Variants in STAC observed in about 807,000 individuals in gnomAD.
The protein encoded by STAC is SH3 and cysteine rich domain, also known as SH3 and cysteine-rich domain-containing protein.
In STAC, 43 loss-of-function variants were observed where a neutral mutation model predicts 48.8. The ratio of observed to expected loss-of-function variants is 0.88; its 90% CI spans 0.69 to 1.14. The LOEUF is 1.14. Ranked by LOEUF, STAC falls within the 50% of genes most tolerant of loss-of-function variation. STAC has a pLI of 0.00. For missense variants in STAC, 497 were observed against 504.0 expected, an observed-to-expected ratio of 0.99 and a Z score of 0.13; for synonymous variants, 193 against 179.5, an observed-to-expected ratio of 1.07 and a Z score of -0.60.
rs1559517456 is a variant in STAC at position 36,505,779 on chromosome 3, A to G, written c.865A>G (p.Thr289Ala). Residue 289 changes from threonine (T) to alanine (A), a missense_variant, in exon 8 of 11, where the codon ACC becomes GCC. Thr to Ala is a moderately conservative substitution (Grantham distance 58). Transcript: ENST00000273183. ...TTCCAAAGACCCATTACAGATGAAC[A>G]CCTATGTTGCCTTGTACAAATTTGT... ...SLSKDPLQMN[T>A]YVALYKFVPQ... 1 of 1,608,174 alleles carries G rather than the reference A, an allele frequency of 6.2e-7. No individual in the cohort carries two copies. Among genetic ancestry groups the G allele is most frequent in the Non-Finnish European group, 8.5e-7 (1 of 1,178,210 alleles).
At chr3:36,498,803 C>T (rs1205742721) in intron 6 of STAC, among the ~76,000 whole-genome samples, 1 of 152,050 alleles carries the variant, frequency 6.6e-6, no homozygotes, top group Non-Finnish European at 1.5e-5. Context: ...TATGTAAGAA[C>T]ATACTTGTGG....
At position 36,547,999 on chromosome 3, in the gene STAC, C is replaced by T. The variant is rs190933203; in HGVS notation, c.*1710C>T. Reference sequence around the variant, plus strand: ...AAACAATACAGTGGCTGGAAAGGAGCATCAGAAACATGTGTCCTGATCTCT... The same window carrying T: ...AAACAATACAGTGGCTGGAAAGGAGTATCAGAAACATGTGTCCTGATCTCT... On this transcript the variant is annotated 3_prime_UTR_variant, in exon 11 of 11. Transcript: ENST00000273183. 6.6e-6 allele frequency: 1 copy of T among 150,690 alleles called. No homozygotes were observed. Among genetic ancestry groups the T allele is most frequent in the Admixed American group, 6.6e-5 (1 of 15,148 alleles). The allele number at this position is 150,690 out of a possible 1,614,324, so 9.3% of individuals were successfully genotyped here.
intron 8 of STAC, among the ~76,000 whole-genome samples, chr3:36,523,830 C>A (rs927197171): frequency 2.0e-5 from 3 of 152,192 alleles, no homozygotes; most frequent in African/African-American, 7.2e-5. Flanking sequence ...AGCCAGTTGG[C>A]AGAATGTTTT....
chr3:36,390,451 CTTTTTTTTT>C lies in STAC; in HGVS notation c.111+9710_111+9718del, dbSNP rs59589769. Among the ~76,000 whole-genome samples, 7 of 80,838 alleles carry C rather than the reference CTTTTTTTTT, an allele frequency of 8.7e-5. No individual in the cohort carries two copies. In the South Asian group the frequency reaches 3.5e-3, roughly 41 times the overall value. 53.0% of individuals were successfully genotyped at this position (80,838 alleles called of 152,430 possible). On this transcript the variant is annotated intron_variant, in intron 1 of 10. Coordinates refer to ENST00000273183, the MANE Select transcript of STAC (RefSeq NM_003149.3). Reference sequence around the variant, plus strand: ...GAAGTAATCATGTGATTTTTCTTTTCTTTTTTTTTTTTTTTTTTTTTGTCCTTTGGTCTC... The same window carrying C: ...GAAGTAATCATGTGATTTTTCTTTTCTTTTTTTTTTTTGTCCTTTGGTCTC...
At chr3:36,506,623 C>T (rs1387582054) in intron 8 of STAC, among the ~76,000 whole-genome samples, 1 of 152,124 alleles carries the variant, frequency 6.6e-6, no homozygotes, top group African/African-American at 2.4e-5. Context: ...GTTTGTAGTT[C>T]TCCTTGAAGA....
At chr3:36,413,182 C>T (rs568202154) in intron 1 of STAC, among the ~76,000 whole-genome samples, 37 of 152,254 alleles carry the variant, frequency 2.4e-4, no homozygotes, top group African/African-American at 8.2e-4. Flanking sequence ...CTATAGATGT[C>T]TATTAGGTCC....
intron 2 of STAC, among the ~76,000 whole-genome samples, chr3:36,459,740 CA>C (rs1177203875): frequency 5.3e-5 from 8 of 152,096 alleles, no homozygotes; most frequent in Non-Finnish European, 8.8e-5. Context: ...GGTATCTTGG[CA>C]AAACCAGAAA....
rs147329705 is a variant in STAC at position 36,432,839 on chromosome 3, C to T, written c.112-10525C>T. Among the ~76,000 whole-genome samples the T allele has an allele frequency of 1.2e-3, 181 of 152,318 alleles. 1 individual carries two copies. Among genetic ancestry groups the T allele is most frequent in the African/African-American group, 4.1e-3 (172 of 41,564 alleles). On this transcript the variant is annotated intron_variant, in intron 1 of 10. Coordinates refer to ENST00000273183, the MANE Select transcript of STAC (RefSeq NM_003149.3). The stretch of plus-strand genomic sequence containing the variant: ...ATTTAACTTCTTTCTACCACCCTCT[C>T]CTTATCCATAAAATAGGGACAATAA...
intron 1 of STAC, among the ~76,000 whole-genome samples, chr3:36,402,836 C>T (rs1700023017): frequency 6.6e-6 from 1 of 152,112 alleles, no homozygotes; most frequent in Non-Finnish European, 1.5e-5. Flanking sequence ...TCCGTCTTCC[C>T]ACCTCAGATG....
intron 1 of STAC, among the ~76,000 whole-genome samples, chr3:36,386,346 C>T (rs1423303997): frequency 1.3e-5 from 2 of 151,256 alleles, no homozygotes; most frequent in Non-Finnish European, 3.0e-5. Flanking sequence ...GGGTTCTTCT[C>T]ATATTCTGGA....
At chr3:36,488,705 G>T (rs914074444) in intron 5 of STAC, among the ~76,000 whole-genome samples, 8 of 152,056 alleles carry the variant, frequency 5.3e-5, no homozygotes, top group Admixed American at 5.2e-4. Context: ...TAATATCAAA[G>T]ATACCCTTAG....
At chr3:36,431,860 A>T (rs1314393444) in intron 1 of STAC, among the ~76,000 whole-genome samples, 1 of 152,082 alleles carries the variant, frequency 6.6e-6, no homozygotes, top group Non-Finnish European at 1.5e-5. Flanking sequence ...TGTAGTTCAG[A>T]TCTTACATCT....
chr3:36,493,630 G>C (rs1476960934), intron 6 of STAC, among the ~76,000 whole-genome samples: 1 of 151,898 alleles, frequency 6.6e-6, no homozygotes, highest in Non-Finnish European at 1.5e-5. Flanking sequence ...CTACACCTTA[G>C]GTACCTGAAA....
At chr3:36,466,494 T>G (rs1244245981) in intron 2 of STAC, among the ~76,000 whole-genome samples, 1 of 152,248 alleles carries the variant, frequency 6.6e-6, no homozygotes, top group Non-Finnish European at 1.5e-5. Flanking sequence ...CTTTTGGCAA[T>G]ATGGTCATTT....
chr3:36,497,364 T>TA (rs576403696), intron 6 of STAC, among the ~76,000 whole-genome samples: 197 of 152,118 alleles, frequency 1.3e-3, no homozygotes, highest in African/African-American at 4.6e-3. Flanking sequence ...AGAATTGTTC[T>TA]AAAAAAAATT....
chr3:36,405,040 G>T (rs73057929), intron 1 of STAC, among the ~76,000 whole-genome samples: 1 of 151,988 alleles, frequency 6.6e-6, no homozygotes, highest in African/African-American at 2.4e-5. Flanking sequence ...AATATCATAC[G>T]ATTCTTGTTT....
intron 2 of STAC, among the ~76,000 whole-genome samples, chr3:36,461,069 G>C (rs1477306760): frequency 6.6e-6 from 1 of 152,068 alleles, no homozygotes; most frequent in Non-Finnish European, 1.5e-5. Context: ...TTAACATCTT[G>C]GTGTGTGCCC....
At chr3:36,430,304 A>C (rs1326253819) in intron 1 of STAC, among the ~76,000 whole-genome samples, 1 of 152,192 alleles carries the variant, frequency 6.6e-6, no homozygotes, top group South Asian at 2.1e-4. Flanking sequence ...GTTATGGTAG[A>C]ATGATAGGGC....
Position 36,505,832 on chromosome 3 carries a change from G to A in STAC, c.918G>A (p.Met306Ile), listed in dbSNP as rs1698391058. ...CACAGGAGAATGAAGATTTGGAAAT[G>A]AGGTAAAAACCTTCTGTAAAGAAAA... The part of the protein sequence containing the change: ...FVPQENEDLE[M>I]RPGDIITLLE... Residue 306 changes from methionine (M) to isoleucine (I), a missense_variant and splice_region_variant, in exon 8 of 11, where the codon ATG (methionine) becomes ATA (isoleucine). Met to Ile is a conservative substitution (Grantham distance 10). Transcript: ENST00000273183. 2.5e-6 allele frequency: 4 copies of A among 1,597,218 alleles called. No homozygotes were observed. The highest frequency in any genetic ancestry group is 8.5e-7 in the Non-Finnish European group (1 of 1,171,974).
Sources: gnomAD v4.1 joint callset for allele counts (sites outside exome capture counted in the v4.1 genomes callset) on GRCh38, gnomAD v4.1.1 for gene constraint, MANE v1.5 for transcripts, NCBI Gene and HGNC (gene_info 2026-07-23, HGNC 2026-07-21) for gene names.